Variants in CEP135 observed in about 807,000 individuals in gnomAD.
The protein encoded by CEP135 is centrosomal protein 135, also known as centrosomal protein of 135 kDa.
CEP135 carries 142 observed loss-of-function variants against 157.3 expected under a neutral mutation model. That is an observed-to-expected ratio of 0.90 (90% CI 0.79 to 1.04). CEP135 has a LOEUF of 1.04. Among genes scored for constraint, CEP135 ranks in the 50% least tolerant of loss-of-function variants. The probability of loss-of-function intolerance (pLI) is 0.00; values close to 1 mark genes in which losing one functional copy is unlikely to be tolerated. For missense variants in CEP135, 1,317 were observed against 1,309.2 expected (o/e 1.01, Z -0.09); for synonymous variants, 396 against 439.8 (o/e 0.90, Z 1.25).
chr4:55,974,981 T>TTA lies in CEP135; in HGVS notation c.1473+15_1473+16dup, dbSNP rs1251254153. Reference sequence around the variant, plus strand: ...GAACACCAGAAAAGGTAATGTCCCTTTATAAGAGTAGGCCAGAAAGTATCT... The same window carrying TTA: ...GAACACCAGAAAAGGTAATGTCCCTTTATATAAGAGTAGGCCAGAAAGTATCT... On this transcript the variant is annotated intron_variant, in intron 11 of 25. Transcript: ENST00000257287. 1 of 1,556,698 alleles carries TTA rather than the reference T, an allele frequency of 6.4e-7. No individual in the cohort carries two copies. The highest frequency in any genetic ancestry group is 2.3e-5 in the East Asian group (1 of 44,134).
intron 2 of CEP135, 73 bp from the exon 3 acceptor site, chr4:55,953,012 T>C: frequency 7.7e-7 from 1 of 1,302,002 alleles, no homozygotes; most frequent in Non-Finnish European, 1.0e-6. Context: ...TTTAAGCCTC[T>C]TTAGAAATAT....
At chr4:55,955,995 A>G (rs932500735) in intron 4 of CEP135, among the ~76,000 whole-genome samples, 1 of 152,066 alleles carries the variant, frequency 6.6e-6, no homozygotes, top group African/African-American at 2.4e-5. Context: ...AAGAGAGGAG[A>G]CCCAGAGTCA....
chr4:56,024,134 A>G (rs1247296568), intron 24 of CEP135, among the ~76,000 whole-genome samples: 2 of 139,816 alleles, frequency 1.4e-5, no homozygotes, highest in African/African-American at 5.7e-5. Context: ...TAGTATATAT[A>G]TAATTAGTAT....
rs1731419732 is a variant in CEP135 at position 56,033,115 on chromosome 4, T to C, written c.*1767T>C. Reference sequence around the variant, plus strand: ...ATATGTAAATAAAATAAAAAATATTTGTCTCCACCTTTTCCCCAAAAGCAA... The same window carrying C: ...ATATGTAAATAAAATAAAAAATATTCGTCTCCACCTTTTCCCCAAAAGCAA... On this transcript the variant is annotated 3_prime_UTR_variant, in exon 26 of 26. Coordinates refer to ENST00000257287, the MANE Select transcript of CEP135 (RefSeq NM_025009.5). The C allele has an allele frequency of 6.6e-6, 1 of 152,102 alleles. No individual in the cohort carries two copies. Among genetic ancestry groups the C allele is most frequent in the Non-Finnish European group, 1.5e-5 (1 of 68,008 alleles). The allele number at this position is 152,102 out of a possible 1,614,324, so 9.4% of individuals were successfully genotyped here.
At chr4:56,011,563 T>G (rs745434394) in intron 20 of CEP135, 41 bp downstream of exon 20, 4 of 1,406,550 alleles carry the variant, frequency 2.8e-6, no homozygotes, top group Non-Finnish European at 2.9e-6. Context: ...ACTGAGGTTT[T>G]TTTTTTTTTT....
intron 22 of CEP135, 92 bp from the exon 23 acceptor site, chr4:56,019,261 A>C (rs1730886878): frequency 1.1e-6 from 1 of 947,214 alleles, no homozygotes; most frequent in African/African-American, 1.7e-5. Flanking sequence ...TGATAGGTGA[A>C]TAGTTCCACA....
chr4:55,999,221 A>G (rs1730077437), intron 15 of CEP135, 81 bp from the exon 16 acceptor site: 3 of 1,116,610 alleles, frequency 2.7e-6, no homozygotes, highest in African/African-American at 3.2e-5. Context: ...ACATCAAAAT[A>G]TTTTTAAGAA....
intron 14 of CEP135, among the ~76,000 whole-genome samples, chr4:55,986,177 C>T (rs887394109): frequency 1.3e-5 from 2 of 152,116 alleles, no homozygotes; most frequent in South Asian, 2.1e-4. Flanking sequence ...AACTTAGAAG[C>T]GTGCCTGGCA....
chr4:55,998,655 A>C (rs748084716), intron 15 of CEP135, among the ~76,000 whole-genome samples: 1 of 152,236 alleles, frequency 6.6e-6, no homozygotes, highest in African/African-American at 2.4e-5. Context: ...GCTTGAGCTC[A>C]GGAGTTTGAG....
At chr4:55,953,341 C>G (rs1728416936) in intron 3 of CEP135, 66 bp downstream of exon 3, 1 of 1,183,402 alleles carries the variant, frequency 8.5e-7, no homozygotes, top group Non-Finnish European at 1.2e-6. Flanking sequence ...GAAGGAAAAG[C>G]TAACGTCTAA....
intron 4 of CEP135, among the ~76,000 whole-genome samples, chr4:55,955,274 T>G (rs1379877667): frequency 3.9e-5 from 6 of 152,156 alleles, no homozygotes; most frequent in Admixed American, 3.9e-4. Context: ...TTAAAGAGCA[T>G]GATGAGTACC....
At chr4:56,018,499 C>T (rs540992270) in intron 22 of CEP135, among the ~76,000 whole-genome samples, 12 of 152,188 alleles carry the variant, frequency 7.9e-5, no homozygotes, top group South Asian at 4.2e-4. Flanking sequence ...AGCTTACACC[C>T]GTAATCCCAA....
intron 17 of CEP135, among the ~76,000 whole-genome samples, chr4:56,007,473 A>G (rs1730396049): frequency 6.6e-6 from 1 of 152,178 alleles, no homozygotes; most frequent in Non-Finnish European, 1.5e-5. Flanking sequence ...TTACTGAACT[A>G]CCACTCTGAT....
rs113153538 is a variant in CEP135 at position 56,030,723 on chromosome 4, G to A, written c.*12-637G>A. 7.9e-5 allele frequency among the ~76,000 whole-genome samples: 12 copies of A among 152,200 alleles called. 2 individuals carry two copies. The highest frequency in any genetic ancestry group is 2.6e-4 in the African/African-American group (11 of 41,528). The stretch of plus-strand genomic sequence containing the variant: ...TCCTGCCTCAGCCTCCCAAAGTGCC[G>A]GGATTACAGGCATGAGCCACTGCAC... On this transcript the variant is annotated intron_variant, in intron 25 of 25. Coordinates refer to ENST00000257287, the MANE Select transcript of CEP135 (RefSeq NM_025009.5).
At chr4:55,980,773 G>A (rs1311178864) in intron 12 of CEP135, among the ~76,000 whole-genome samples, 1 of 152,180 alleles carries the variant, frequency 6.6e-6, no homozygotes, top group Non-Finnish European at 1.5e-5. Flanking sequence ...TCTGAGCAAA[G>A]CATGGTGTCT....
At position 56,009,825 on chromosome 4, in the gene CEP135, A is replaced by G. The variant is rs1271922324; in HGVS notation, c.2427A>G (p.Val809=). The G allele has an allele frequency of 1.2e-6, 2 of 1,614,056 alleles. No individual in the cohort carries two copies. Among genetic ancestry groups the G allele is most frequent in the East Asian group, 2.2e-5 (1 of 44,894 alleles). The change falls in exon 19 of 26, where the codon GTA becomes GTG. Residue 809 remains valine, a synonymous_variant. Transcript: ENST00000257287. The part of the protein sequence containing the change: ...LDAAHKELDE[V]GRSREIAFKE... ...CAGCTCACAAAGAACTCGATGAAGTAGGAAGATCTAGAGAAATCGCTTTTA... is the reference window on the plus strand; with the variant it reads ...CAGCTCACAAAGAACTCGATGAAGTGGGAAGATCTAGAGAAATCGCTTTTA...
intron 24 of CEP135, among the ~76,000 whole-genome samples, chr4:56,021,152 A>G (rs1057411651): frequency 3.9e-5 from 6 of 152,212 alleles, no homozygotes; most frequent in Non-Finnish European, 8.8e-5. Context: ...AATCCCTATA[A>G]GAGCTCCAAA....
intron 21 of CEP135, 66 bp downstream of exon 21, chr4:56,012,051 A>G: frequency 1.1e-6 from 1 of 903,666 alleles, no homozygotes; most frequent in Non-Finnish European, 1.5e-6. Flanking sequence ...AAGATACTTT[A>G]TTTATTTATT....
chr4:56,003,196 CT>C (rs199731440), intron 17 of CEP135, among the ~76,000 whole-genome samples: 9 of 150,682 alleles, frequency 6.0e-5, no homozygotes, highest in Admixed American at 1.3e-4. Context: ...TTTGTATTTT[CT>C]TTTTTTTTGA....
Sources: gnomAD v4.1 joint callset for allele counts (sites outside exome capture counted in the v4.1 genomes callset) on GRCh38, gnomAD v4.1.1 for gene constraint, MANE v1.5 for transcripts, NCBI Gene and HGNC (gene_info 2026-07-23, HGNC 2026-07-21) for gene names.